Variants in PKNOX2 observed in about 807,000 individuals in gnomAD.
The protein encoded by PKNOX2 is PBX/knotted 1 homeobox 2.
PKNOX2 carries 14 observed loss-of-function variants against 53.1 expected under a neutral mutation model. That is an observed-to-expected ratio of 0.26 (90% CI 0.17 to 0.41). PKNOX2 has a LOEUF of 0.41. Among genes scored for constraint, PKNOX2 ranks in the 10% least tolerant of loss-of-function variants. PKNOX2 has a pLI of 1.00. For missense variants in PKNOX2, 496 were observed against 602.8 expected (o/e 0.82, Z 1.85); for synonymous variants, 257 against 242.8 (o/e 1.06, Z -0.54).
chr11:125,320,977 T>G (rs1949485770), intron 2 of PKNOX2, among the ~76,000 whole-genome samples: 1 of 152,198 alleles, frequency 6.6e-6, no homozygotes, highest in Admixed American at 6.5e-5. Flanking sequence ...GATGATATAT[T>G]GTGGGGTCAT....
intron 7 of PKNOX2, among the ~76,000 whole-genome samples, chr11:125,408,320 T>C (rs573053780): frequency 6.6e-6 from 1 of 152,354 alleles, no homozygotes; most frequent in East Asian, 1.9e-4. Context: ...CCAAGAGCTC[T>C]GCTCAAAGTA....
chr11:125,204,046 AG>A (rs1938773429), intron 1 of PKNOX2, among the ~76,000 whole-genome samples: 1 of 151,816 alleles, frequency 6.6e-6, no homozygotes. Flanking sequence ...ACGTGTGGAG[AG>A]GGGGGAGGCA....
chr11:125,271,731 AT>A (rs1945809126), intron 2 of PKNOX2, among the ~76,000 whole-genome samples: 1 of 151,496 alleles, frequency 6.6e-6, no homozygotes, highest in Non-Finnish European at 1.5e-5. Flanking sequence ...AAAAAAAAAA[AT>A]CCCCCAGGGT....
At chr11:125,200,366 G>A (rs909950156) in intron 1 of PKNOX2, among the ~76,000 whole-genome samples, 30 of 152,268 alleles carry the variant, frequency 2.0e-4, no homozygotes, top group African/African-American at 6.0e-4. Flanking sequence ...CAATCTCACC[G>A]AATAGCAGCA....
At chr11:125,287,566 C>T (rs1946988577) in intron 2 of PKNOX2, among the ~76,000 whole-genome samples, 2 of 152,164 alleles carry the variant, frequency 1.3e-5, no homozygotes, top group African/African-American at 2.4e-5. Flanking sequence ...CTGGGGCAGT[C>T]ACTCCCTCCC....
At chr11:125,400,690 C>T (rs1423241623) in intron 7 of PKNOX2, among the ~76,000 whole-genome samples, 4 of 152,152 alleles carry the variant, frequency 2.6e-5, no homozygotes, top group Middle Eastern at 3.2e-3. Flanking sequence ...GGCTGCTCAC[C>T]CAGGAGGACT....
chr11:125,411,507 T>TCTCA (rs1955535051), intron 9 of PKNOX2: 1 of 375,020 alleles, frequency 2.7e-6, no homozygotes, highest in African/African-American at 2.6e-5. Context: ...TCTCTCTCTC[T>TCTCA]CTCCCCCCCT....
At chr11:125,316,134 G>A (rs114171875) in intron 2 of PKNOX2, among the ~76,000 whole-genome samples, 4,452 of 152,228 alleles carry the variant, frequency 0.029, 163 homozygotes, top group East Asian at 0.18. Flanking sequence ...TGCGAAGGAC[G>A]CATGGAGGGA....
chr11:125,271,267 T>TACC (rs1945770475), intron 2 of PKNOX2, among the ~76,000 whole-genome samples: 3 of 152,250 alleles, frequency 2.0e-5, no homozygotes, highest in African/African-American at 7.2e-5. Context: ...CAAGTCCAGC[T>TACC]TGGCCATTTT....
intron 2 of PKNOX2, among the ~76,000 whole-genome samples, chr11:125,308,071 C>A (rs565457290): frequency 1.4e-4 from 22 of 152,184 alleles, no homozygotes; most frequent in African/African-American, 4.3e-4. Context: ...TGATTGGAGA[C>A]GAGAATTTCC....
At chr11:125,252,452 G>A (rs1198186306) in intron 2 of PKNOX2, among the ~76,000 whole-genome samples, 2 of 152,190 alleles carry the variant, frequency 1.3e-5, no homozygotes, top group African/African-American at 4.8e-5. Flanking sequence ...AAGGCAAGGA[G>A]ACCTTGCAGG....
intron 10 of PKNOX2, among the ~76,000 whole-genome samples, chr11:125,426,449 G>A (rs180733694): frequency 5.3e-5 from 8 of 152,320 alleles, no homozygotes; most frequent in East Asian, 3.9e-4. Context: ...CCCAGGATGC[G>A]GCAGATGCCC....
At chr11:125,304,587 A>G (rs1948302977) in intron 2 of PKNOX2, among the ~76,000 whole-genome samples, 1 of 152,208 alleles carries the variant, frequency 6.6e-6, no homozygotes, top group African/African-American at 2.4e-5. Context: ...TTCCTTATGC[A>G]TCTCAGGTCA....
At chr11:125,383,893 C>T (rs1243330653) in intron 5 of PKNOX2, among the ~76,000 whole-genome samples, 2 of 152,114 alleles carry the variant, frequency 1.3e-5, no homozygotes, top group Admixed American at 6.5e-5. Flanking sequence ...CCAAGTCCAA[C>T]ACACATTCCT....
chr11:125,353,990 G>A (rs1451162281), intron 4 of PKNOX2, among the ~76,000 whole-genome samples: 1 of 152,172 alleles, frequency 6.6e-6, no homozygotes, highest in East Asian at 1.9e-4. Flanking sequence ...TAGGGGGAAA[G>A]GCTGTTCTCT....
At chr11:125,363,119 C>T (rs1232098915) in intron 4 of PKNOX2, among the ~76,000 whole-genome samples, 1 of 152,108 alleles carries the variant, frequency 6.6e-6, no homozygotes, top group East Asian at 1.9e-4. Flanking sequence ...GGTCTTTGCC[C>T]CAAGAAAGAA....
chr11:125,355,016 CA>C (rs533432139), intron 4 of PKNOX2, among the ~76,000 whole-genome samples: 8 of 152,068 alleles, frequency 5.3e-5, no homozygotes, highest in Non-Finnish European at 8.8e-5. Flanking sequence ...CCTGTAATAC[CA>C]GCACTTTGGG....
At chr11:125,389,881 C>T (rs1953925421) in intron 6 of PKNOX2, among the ~76,000 whole-genome samples, 1 of 152,134 alleles carries the variant, frequency 6.6e-6, no homozygotes, top group Admixed American at 6.5e-5. Context: ...GGCTGCCTGA[C>T]CGCAAAGCCA....
At chr11:125,378,986 T>A (rs890798543) in intron 5 of PKNOX2, among the ~76,000 whole-genome samples, 3 of 151,726 alleles carry the variant, frequency 2.0e-5, no homozygotes, top group Non-Finnish European at 2.9e-5. Flanking sequence ...TTTTTTTTTT[T>A]AAACCCAGGT....
Sources: allele counts gnomAD v4.1 joint callset (sites outside exome capture counted in the v4.1 genomes callset), GRCh38; gene constraint gnomAD v4.1.1; transcripts MANE v1.5; gene names NCBI Gene and HGNC (gene_info 2026-07-23, HGNC 2026-07-21).